SLC25A17: variants seen among roughly 807,000 people sequenced by gnomAD.
SLC25A17 encodes the protein solute carrier family 25 member 17, also known as peroxisomal membrane protein PMP34.
SLC25A17 carries 26 observed loss-of-function variants against 38.5 expected under a neutral mutation model. That is an observed-to-expected ratio of 0.68 (90% CI 0.50 to 0.94). SLC25A17 has a LOEUF of 0.94. SLC25A17 is among the 40% of genes least tolerant of loss of function. The pLI, the probability that SLC25A17 is intolerant of heterozygous loss-of-function variation, is 0.00. For missense variants in SLC25A17, 333 were observed against 372.7 expected (o/e 0.89, Z 0.88); for synonymous variants, 139 against 136.2 (o/e 1.02, Z -0.14).
intron 1 of SLC25A17, among the ~76,000 whole-genome samples, chr22:40,801,603 G>A (rs936624197): frequency 2.6e-4 from 40 of 152,218 alleles, no homozygotes; most frequent in African/African-American, 9.6e-4. Context: ...ACGACTAAAT[G>A]ATATTCAATG....
intron 4 of SLC25A17, among the ~76,000 whole-genome samples, chr22:40,785,615 T>C (rs1463304200): frequency 6.6e-6 from 1 of 152,122 alleles, no homozygotes; most frequent in Non-Finnish European, 1.5e-5. Context: ...TTAAACAGGC[T>C]TTGCAGGACA....
intron 7 of SLC25A17, among the ~76,000 whole-genome samples, chr22:40,775,269 T>C (rs575927962): frequency 6.6e-6 from 1 of 152,184 alleles, no homozygotes; most frequent in East Asian, 1.9e-4. Context: ...ATACACCAAA[T>C]TCTTAGTACA....
chr22:40,775,452 T>TG (rs2057232433), intron 7 of SLC25A17, among the ~76,000 whole-genome samples: 8 of 48,698 alleles, frequency 1.6e-4, no homozygotes, highest in Admixed American at 1.5e-4. Context: ...TTTTTTTTTT[T>TG]TTTTTTTTTT....
rs1270091621 is a variant in SLC25A17 at position 40,769,876 on chromosome 22, C to T, written c.*958G>A. 1.3e-5 allele frequency: 2 copies of T among 152,166 alleles called. No individual in the cohort carries two copies. Among genetic ancestry groups the T allele is most frequent in the Admixed American group, 1.3e-4 (2 of 15,262 alleles). 9.4% of individuals were successfully genotyped at this position (152,166 alleles called of 1,614,324 possible). A position where few individuals can be genotyped will look rare whatever the true frequency, so the allele number is the denominator to read the frequency against. ...CTACCGTCTGATGGACCACACTGAG[C>T]AACAGGACTCTAAGGAAGGTTTCCA... On this transcript the variant is annotated 3_prime_UTR_variant, in exon 9 of 9. Coordinates refer to ENST00000435456, the MANE Select transcript of SLC25A17 (RefSeq NM_006358.4).
intron 4 of SLC25A17, among the ~76,000 whole-genome samples, chr22:40,783,212 T>C (rs1316155256): frequency 2.0e-5 from 3 of 152,182 alleles, no homozygotes; most frequent in South Asian, 2.1e-4. Context: ...ATTGTAAAAT[T>C]CTTTAACCCA....
intron 4 of SLC25A17, among the ~76,000 whole-genome samples, chr22:40,785,986 G>A (rs1432035941): frequency 1.3e-5 from 2 of 152,120 alleles, no homozygotes; most frequent in East Asian, 3.9e-4. Context: ...AATACAGACT[G>A]AAGGAGACTA....
chr22:40,795,112 T>C (rs1374463276), intron 2 of SLC25A17, among the ~76,000 whole-genome samples: 1 of 152,108 alleles, frequency 6.6e-6, no homozygotes, highest in Non-Finnish European at 1.5e-5. Context: ...CAAGTTTCAC[T>C]GAAATGCCAT....
chr22:40,795,942 C>T (rs1468241362), intron 2 of SLC25A17, among the ~76,000 whole-genome samples: 2 of 152,086 alleles, frequency 1.3e-5, no homozygotes, highest in African/African-American at 4.8e-5. Context: ...CTCCTGCCAC[C>T]ATGCCCAGCT....
At chr22:40,807,733 A>G (rs2057542745) in intron 1 of SLC25A17, among the ~76,000 whole-genome samples, 1 of 152,128 alleles carries the variant, frequency 6.6e-6, no homozygotes, top group African/African-American at 2.4e-5. Flanking sequence ...TGGGTGACAG[A>G]GCAAGACTCC....
intron 2 of SLC25A17, among the ~76,000 whole-genome samples, chr22:40,797,676 G>A (rs1417541854): frequency 6.6e-6 from 1 of 152,144 alleles, no homozygotes; most frequent in Non-Finnish European, 1.5e-5. Flanking sequence ...GAAAGAAAAG[G>A]AAAATAAACC....
intron 1 of SLC25A17, chr22:40,817,405 CTT>C (rs983656488): frequency 1.6e-4 from 24 of 152,344 alleles, no homozygotes; most frequent in African/African-American, 5.8e-4. Flanking sequence ...CATTGAGATT[CTT>C]CTGTCAGTCC....
At chr22:40,781,949 C>T (rs1255121079) in intron 4 of SLC25A17, among the ~76,000 whole-genome samples, 2 of 152,032 alleles carry the variant, frequency 1.3e-5, no homozygotes, top group Non-Finnish European at 2.9e-5. Flanking sequence ...CGGCCGGGTG[C>T]GGTTGCTCAC....
At chr22:40,788,831 G>T in intron 4 of SLC25A17, 2 of 236,818 alleles carry the variant, frequency 8.4e-6, no homozygotes, top group South Asian at 7.1e-5. Flanking sequence ...TATCTTCTTT[G>T]AGTTTCAAAT....
At chr22:40,773,864 G>A (rs2057212600) in intron 8 of SLC25A17, 73 bp downstream of exon 8, 3 of 1,053,970 alleles carry the variant, frequency 2.8e-6, no homozygotes, top group Admixed American at 1.7e-5. Context: ...GTGAGAGAGG[G>A]AAATGCAACC....
chr22:40,800,361 G>A (rs1569409814), intron 1 of SLC25A17, among the ~76,000 whole-genome samples: 1 of 152,080 alleles, frequency 6.6e-6, no homozygotes, highest in Admixed American at 6.5e-5. Context: ...GTTTCAGACT[G>A]CTGATCTAAT....
chr22:40,813,695 G>A (rs986941042), intron 1 of SLC25A17, among the ~76,000 whole-genome samples: 12 of 152,204 alleles, frequency 7.9e-5, no homozygotes, highest in Non-Finnish European at 1.6e-4. Context: ...CTGCACTCCA[G>A]CCTGGGCGAC....
intron 1 of SLC25A17, among the ~76,000 whole-genome samples, chr22:40,811,105 A>AT (rs1220900166): frequency 9.9e-5 from 15 of 151,668 alleles, no homozygotes; most frequent in African/African-American, 2.9e-4. Flanking sequence ...TAATTTTTGT[A>AT]TTTTTTGTAG....
chr22:40,776,163 A>T, intron 7 of SLC25A17: 5 of 322,560 alleles, frequency 1.6e-5, no homozygotes, highest in Admixed American at 4.7e-5. Flanking sequence ...TTCAATTTGT[A>T]ATTACCTATT....
At chr22:40,775,408 T>TAGTGAATAA (rs2057230703) in intron 7 of SLC25A17, among the ~76,000 whole-genome samples, 2 of 147,544 alleles carry the variant, frequency 1.4e-5, no homozygotes, top group South Asian at 4.3e-4. Context: ...GTTCTTGTGG[T>TAGTGAATAA]AGTGAATAAG....
Sources: gnomAD v4.1 joint callset for allele counts (sites outside exome capture counted in the v4.1 genomes callset) on GRCh38, gnomAD v4.1.1 for gene constraint, MANE v1.5 for transcripts, NCBI Gene and HGNC (gene_info 2026-07-23, HGNC 2026-07-21) for gene names.